The following CACNA1C variants were observed in gnomAD, a reference collection of about 807,000 sequenced individuals.
CACNA1C encodes calcium voltage-gated channel subunit alpha1 C, also known as voltage-dependent L-type calcium channel subunit alpha-1C.
Under a neutral mutation model 229.0 loss-of-function variants are expected in CACNA1C, and 30 were observed. That is an observed-to-expected ratio of 0.13 (90% CI 0.10 to 0.18). CACNA1C has a LOEUF of 0.18. Ranked by LOEUF, CACNA1C falls within the 10% of genes least tolerant of loss-of-function variation. The pLI is 1.00. For missense variants in CACNA1C, 1,658 were observed against 2,845.0 expected (o/e 0.58, Z 9.49); for synonymous variants, 1,114 against 1,132.5 (o/e 0.98, Z 0.33).
chr12:2,154,273 C>T lies in CACNA1C; in HGVS notation c.477+33843C>T, dbSNP rs960775282. ...TCCAGCTTGTGCTGCAGAGCCTGGC[C>T]GGGGAGGGACAGGGGATGGTACACT... On this transcript the variant is annotated intron_variant, in intron 3 of 46. Coordinates refer to ENST00000399655, the MANE Select transcript of CACNA1C (RefSeq NM_000719.7). Among the ~76,000 whole-genome samples, 7 of 152,232 alleles carry T rather than the reference C, an allele frequency of 4.6e-5. No individual in the cohort carries two copies. In the South Asian group the frequency reaches 6.2e-4, roughly 14 times the overall value.
chr12:2,278,783 G>A (rs1265952471), intron 3 of CACNA1C, among the ~76,000 whole-genome samples: 1 of 152,204 alleles, frequency 6.6e-6, no homozygotes, highest in Non-Finnish European at 1.5e-5. Flanking sequence ...GGTAGTGTAC[G>A]TTTAGTGTTT....
chr12:2,177,127 A>G (rs2096669614), intron 3 of CACNA1C, among the ~76,000 whole-genome samples: 1 of 152,048 alleles, frequency 6.6e-6, no homozygotes, highest in African/African-American at 2.4e-5. Context: ...TGCCTTCCCA[A>G]CACCCAGAGA....
intron 30 of CACNA1C, among the ~76,000 whole-genome samples, chr12:2,637,855 T>A (rs985869655): frequency 1.3e-5 from 2 of 152,254 alleles, no homozygotes; most frequent in African/African-American, 4.8e-5. Context: ...GCGTTTCACC[T>A]GTAACCTGCC....
chr12:2,106,783 C>G (rs2078968752), intron 1 of CACNA1C, among the ~76,000 whole-genome samples: 1 of 129,830 alleles, frequency 7.7e-6, no homozygotes, highest in African/African-American at 3.0e-5. Context: ...AGCTGGGCGT[C>G]CTGAAGCCAC....
At chr12:2,412,532 T>C (rs2098819800) in intron 3 of CACNA1C, among the ~76,000 whole-genome samples, 1 of 152,234 alleles carries the variant, frequency 6.6e-6, no homozygotes, top group Non-Finnish European at 1.5e-5. Flanking sequence ...CTGTATGCTT[T>C]GCTTTAGGGC....
rs1015831007 is a variant in CACNA1C at position 2,034,416 on chromosome 12, G to C, written c.139+63215G>C. Among the ~76,000 whole-genome samples the C allele has an allele frequency of 2.0e-5, 3 of 152,244 alleles. No homozygotes were observed. The highest frequency in any genetic ancestry group is 2.9e-5 in the Non-Finnish European group (2 of 68,048). On this transcript the variant is annotated intron_variant, in intron 1 of 46. Coordinates refer to the CACNA1C transcript ENST00000682462. This position sits in a 1 kb window ranked among gnomAD's most constrained non-coding sequence, Gnocchi z 4.1. ...GCAACCTGATAAAGAACTTGCTCAT[G>C]GTCAGAGTTGTCCAGAGATGGGATG...
At chr12:2,256,088 C>T (rs1600945675) in intron 3 of CACNA1C, among the ~76,000 whole-genome samples, 1 of 152,206 alleles carries the variant, frequency 6.6e-6, no homozygotes, top group African/African-American at 2.4e-5. Flanking sequence ...TTTACAATCA[C>T]ACCTCCTGTT....
rs772222626 is a variant in CACNA1C, at chr12:2,152,541, G to A, written c.477+32111G>A. On this transcript the variant is annotated intron_variant, in intron 3 of 46. Coordinates refer to ENST00000399655, the MANE Select transcript of CACNA1C (RefSeq NM_000719.7). The surrounding 1 kb of genome is among the most constrained non-coding windows in gnomAD (Gnocchi z 4.2). ...CCATTCAGAAGGCGGTGATGGCTGG[G>A]GGAGGGCTTCCATGGGAGAGAGGAA... Among the ~76,000 whole-genome samples the A allele has an allele frequency of 7.2e-5, 11 of 152,184 alleles. No individual in the cohort carries two copies. The highest frequency in any genetic ancestry group is 1.2e-4 in the Non-Finnish European group (8 of 68,042).
chr12:2,450,351 G>T (rs985410491), intron 4 of CACNA1C, among the ~76,000 whole-genome samples: 2 of 151,780 alleles, frequency 1.3e-5, no homozygotes, highest in Non-Finnish European at 2.9e-5. Flanking sequence ...TCAGGAGATC[G>T]AGACCATCCT....
At chr12:2,386,457 A>C (rs1298318124) in intron 3 of CACNA1C, among the ~76,000 whole-genome samples, 1 of 152,170 alleles carries the variant, frequency 6.6e-6, no homozygotes, top group Admixed American at 6.5e-5. Flanking sequence ...GCAGTGGCCC[A>C]AACACGAGTG....
chr12:2,002,254 C>A (rs780848246), intron 1 of CACNA1C, among the ~76,000 whole-genome samples: 21 of 152,158 alleles, frequency 1.4e-4, no homozygotes, highest in Non-Finnish European at 2.9e-4. Flanking sequence ...CAACAATGTT[C>A]TCATATTCTT....
At chr12:2,081,083 G>C (rs1465644300) in intron 1 of CACNA1C, among the ~76,000 whole-genome samples, 2 of 152,206 alleles carry the variant, frequency 1.3e-5, no homozygotes, top group African/African-American at 4.8e-5. Flanking sequence ...ACTCAGTGTA[G>C]AAAACTGCTT....
intron 3 of CACNA1C, among the ~76,000 whole-genome samples, chr12:2,420,102 G>GGTGTGTGTGTGT (rs564990323): frequency 0.011 from 1,377 of 125,460 alleles, 46 homozygotes; most frequent in African/African-American, 0.028. Context: ...TAGGCAAAAT[G>GGTGTGTGTGTGT]GTGTGTGTGT....
In CACNA1C at chr12:2,410,827, G is replaced by A. The variant is rs1171152011; in HGVS notation, c.478-38149G>A. Among the ~76,000 whole-genome samples, 2 of 152,082 alleles carry A rather than the reference G, an allele frequency of 1.3e-5. No homozygotes were observed. Among genetic ancestry groups the A allele is most frequent in the Non-Finnish European group, 2.9e-5 (2 of 68,006 alleles). ...TGTGTGTGTGCGTGTGCATGTGCGT[G>A]TGTGTGTTTCAGGAGCTGACCCTGG... On this transcript the variant is annotated intron_variant, in intron 3 of 46. Transcript: ENST00000399655. The surrounding 1 kb of genome is among the most constrained non-coding windows in gnomAD (Gnocchi z 5.3).
chr12:2,691,191 A>G lies in CACNA1C; in HGVS notation c.6409A>G (p.Ser2137Gly). ...ELQDSRVYVS[S>G]L The stretch of plus-strand genomic sequence containing the variant: ...CCAGGACAGCAGGGTCTACGTCAGC[A>G]GCCTGTAGTGGGCGCTGCCAGATGC... The change falls in exon 47 of 47, where the codon AGC (serine) becomes GGC (glycine). Residue 2137 changes from serine to glycine, a missense_variant. Transcript: ENST00000399655. 1 of 1,560,346 alleles carries G rather than the reference A, an allele frequency of 6.4e-7. No homozygotes were observed. The highest frequency in any genetic ancestry group is 8.7e-7 in the Non-Finnish European group (1 of 1,153,800).
At chr12:2,221,197 C>G (rs556019460) in intron 3 of CACNA1C, among the ~76,000 whole-genome samples, 3 of 152,300 alleles carry the variant, frequency 2.0e-5, no homozygotes, top group Admixed American at 2.0e-4. Context: ...CAGGCGGGTG[C>G]AGGTGAACTG....
chr12:2,312,988 C>T (rs1420608797), intron 3 of CACNA1C, among the ~76,000 whole-genome samples: 3 of 152,192 alleles, frequency 2.0e-5, no homozygotes, highest in African/African-American at 7.2e-5. Flanking sequence ...CCTTCCCTAG[C>T]TTTGGGTGTG....
At chr12:2,151,684 T>A (rs1329113602) in intron 3 of CACNA1C, among the ~76,000 whole-genome samples, 2 of 151,540 alleles carry the variant, frequency 1.3e-5, no homozygotes, top group Admixed American at 1.3e-4. Context: ...AGAAGGGAGA[T>A]TTTTACCTTG....
At chr12:2,514,497 C>G (rs2099791892) in intron 9 of CACNA1C, among the ~76,000 whole-genome samples, 1 of 152,126 alleles carries the variant, frequency 6.6e-6, no homozygotes, top group African/African-American at 2.4e-5. Flanking sequence ...AAATGCCTGA[C>G]ACCTTCTATT....
Sources: allele counts gnomAD v4.1 joint callset (sites outside exome capture counted in the v4.1 genomes callset), GRCh38; gene constraint gnomAD v4.1.1; non-coding constraint Gnocchi (gnomAD v3.1); transcripts MANE v1.5; gene names NCBI Gene and HGNC (gene_info 2026-07-23, HGNC 2026-07-21).